Variants in STXBP5L observed in about 807,000 individuals in gnomAD.
STXBP5L encodes syntaxin-binding protein 5-like.
STXBP5L carries 65 observed loss-of-function variants against 144.5 expected under a neutral mutation model. The observed-to-expected ratio is 0.45, with a 90% confidence interval of 0.37 to 0.55. STXBP5L has a LOEUF of 0.55. Among genes scored for constraint, STXBP5L ranks in the 20% least tolerant of loss-of-function variants. The pLI is 0.00. For missense variants in STXBP5L, 1,298 were observed against 1,405.5 expected, an observed-to-expected ratio of 0.92 and a Z score of 1.22; for synonymous variants, 505 against 469.6, an observed-to-expected ratio of 1.08 and a Z score of -0.97.
intron 19 of STXBP5L, among the ~76,000 whole-genome samples, chr3:121,316,266 C>T (rs2043785480): frequency 6.6e-6 from 1 of 152,146 alleles, no homozygotes; most frequent in Non-Finnish European, 1.5e-5. Flanking sequence ...GATCCATATT[C>T]AGTTCAGTTC....
intron 3 of STXBP5L, among the ~76,000 whole-genome samples, chr3:120,981,896 G>A (rs1327420688): frequency 6.6e-6 from 1 of 152,104 alleles, no homozygotes; most frequent in Non-Finnish European, 1.5e-5. Context: ...TGATTGTTTG[G>A]CTTCAATTCT....
rs559893825 is a variant in STXBP5L, at chr3:121,357,263, G to C, written c.2177-21453G>C. On this transcript the variant is annotated intron_variant, in intron 20 of 26. Transcript: ENST00000471454. The stretch of plus-strand genomic sequence containing the variant: ...GAATTGATCATGCAACTACTTTTGT[G>C]AAGTGGTCCCTCCTAGAGAACAAAA... The C allele has an allele frequency of 5.2e-5, 11 of 210,294 alleles. 1 individual carries two copies. Among genetic ancestry groups the C allele is most frequent in the Non-Finnish European group, 9.6e-5 (9 of 93,856 alleles). 13.0% of individuals were successfully genotyped at this position (210,294 alleles called of 1,614,324 possible).
intron 3 of STXBP5L, among the ~76,000 whole-genome samples, chr3:120,966,725 G>A (rs1443063989): frequency 6.6e-6 from 1 of 152,152 alleles, no homozygotes; most frequent in East Asian, 1.9e-4. Flanking sequence ...CCTACTGGGA[G>A]GTGTGTTCCA....
chr3:121,373,054 A>G (rs1222522917), intron 20 of STXBP5L, among the ~76,000 whole-genome samples: 2 of 152,182 alleles, frequency 1.3e-5, no homozygotes, highest in Non-Finnish European at 2.9e-5. Flanking sequence ...TAACCAAATA[A>G]TTTTATCTCA....
chr3:120,969,192 T>C (rs1939949770), intron 3 of STXBP5L, among the ~76,000 whole-genome samples: 1 of 152,006 alleles, frequency 6.6e-6, no homozygotes. Context: ...ACCACATCCA[T>C]GCCAACATCT....
chr3:121,138,901 A>AT (rs751392930), intron 7 of STXBP5L, among the ~76,000 whole-genome samples: 17 of 152,006 alleles, frequency 1.1e-4, no homozygotes, highest in Non-Finnish European at 7.4e-5. Flanking sequence ...AAATAGACAA[A>AT]TGAGATTATA....
intron 20 of STXBP5L, among the ~76,000 whole-genome samples, chr3:121,370,131 C>T (rs956887558): frequency 2.6e-5 from 4 of 151,956 alleles, no homozygotes; most frequent in South Asian, 2.1e-4. Flanking sequence ...TTTGGGAGGT[C>T]GAGGCAGGTG....
intron 9 of STXBP5L, among the ~76,000 whole-genome samples, chr3:121,183,590 G>GAAGA (rs144221120): frequency 0.096 from 14,174 of 147,182 alleles, 1,067 homozygotes; most frequent in Admixed American, 0.2. Flanking sequence ...TGAAAGAAAG[G>GAAGA]AAGAAAGAAA....
chr3:120,979,169 G>A (rs969723518), intron 3 of STXBP5L, among the ~76,000 whole-genome samples: 1 of 152,222 alleles, frequency 6.6e-6, no homozygotes, highest in Non-Finnish European at 1.5e-5. Flanking sequence ...ACAGAGGCAG[G>A]CAGGCCTCCT....
intron 3 of STXBP5L, among the ~76,000 whole-genome samples, chr3:120,967,355 TGCAGAAATCAC>T (rs1319901957): frequency 2.6e-5 from 4 of 152,110 alleles, no homozygotes; most frequent in Non-Finnish European, 5.9e-5. Flanking sequence ...CAGTTGGAAA[TGCAGAAATCAC>T]CCATCTTCTG....
At chr3:121,006,400 G>C (rs1269834261) in intron 3 of STXBP5L, among the ~76,000 whole-genome samples, 2 of 151,866 alleles carry the variant, frequency 1.3e-5, no homozygotes, top group East Asian at 1.9e-4. Flanking sequence ...TTTTCCATTT[G>C]CTTGGTAGAT....
Position 121,420,604 on chromosome 3 carries a change from G to A in STXBP5L, c.*1507G>A, listed in dbSNP as rs1424864702. 6.6e-6 allele frequency: 1 copy of A among 152,082 alleles called. No individual in the cohort carries two copies. Among genetic ancestry groups the A allele is most frequent in the African/African-American group, 2.4e-5 (1 of 41,408 alleles). 9.4% of individuals were successfully genotyped at this position (152,082 alleles called of 1,614,324 possible). On this transcript the variant is annotated 3_prime_UTR_variant, in exon 27 of 27. Coordinates refer to ENST00000471454, the MANE Select transcript of STXBP5L (RefSeq NM_001308330.2). ...ATGATTCTGGAAGTCAAAAGTTATA[G>A]GAATGTATATATACACATTCCAGGA... is the stretch of plus-strand genomic sequence containing the variant.
intron 7 of STXBP5L, among the ~76,000 whole-genome samples, chr3:121,133,671 G>T (rs967400957): frequency 1.3e-5 from 2 of 152,180 alleles, no homozygotes; most frequent in Admixed American, 6.5e-5. Context: ...CAAGATAGCT[G>T]TTGTATTAGT....
intron 16 of STXBP5L, among the ~76,000 whole-genome samples, chr3:121,255,781 G>A (rs558288354): frequency 6.6e-5 from 10 of 151,972 alleles, no homozygotes; most frequent in South Asian, 2.1e-4. Context: ...TTAAATCAAC[G>A]AAATACTCTG....
intron 20 of STXBP5L, among the ~76,000 whole-genome samples, chr3:121,339,258 G>A (rs990620961): frequency 6.6e-6 from 1 of 152,096 alleles, no homozygotes; most frequent in African/African-American, 2.4e-5. Context: ...TGCAGGGATG[G>A]TTCAACATAT....
intron 3 of STXBP5L, among the ~76,000 whole-genome samples, chr3:121,004,207 G>T (rs994425379): frequency 3.9e-5 from 6 of 152,042 alleles, no homozygotes; most frequent in Non-Finnish European, 2.9e-5. Flanking sequence ...CCATTTGTTT[G>T]TATCCTCTTT....
At chr3:121,267,802 A>G (rs2050618248) in intron 18 of STXBP5L, among the ~76,000 whole-genome samples, 1 of 152,234 alleles carries the variant, frequency 6.6e-6, no homozygotes. Context: ...AAATATATGA[A>G]AAAAAGCTCA....
intron 7 of STXBP5L, among the ~76,000 whole-genome samples, chr3:121,145,154 T>A (rs2045666362): frequency 6.6e-6 from 1 of 151,806 alleles, no homozygotes; most frequent in Non-Finnish European, 1.5e-5. Context: ...ATAGGGTAGA[T>A]CTCATGTTCA....
intron 20 of STXBP5L, among the ~76,000 whole-genome samples, chr3:121,331,034 G>A (rs1231217619): frequency 1.3e-5 from 2 of 152,166 alleles, no homozygotes; most frequent in African/African-American, 4.8e-5. Context: ...CAGCCCCACA[G>A]GGCAGCTAGA....
Sources: allele counts gnomAD v4.1 joint callset (sites outside exome capture counted in the v4.1 genomes callset), GRCh38; gene constraint gnomAD v4.1.1; transcripts MANE v1.5; gene names NCBI Gene and HGNC (gene_info 2026-07-23, HGNC 2026-07-21).